The following DGKI variants were observed in gnomAD, a reference collection of about 807,000 sequenced individuals.
DGKI encodes the protein DAG kinase iota.
DGKI carries 55 observed loss-of-function variants against 147.5 expected under a neutral mutation model. The observed-to-expected ratio is 0.37, with a 90% CI of 0.30 to 0.47. DGKI has a LOEUF of 0.47. Ranked by LOEUF, DGKI falls within the 20% of genes least tolerant of loss-of-function variation. The pLI, the probability that DGKI is intolerant of heterozygous loss-of-function variation, is 1.00. For synonymous variants in DGKI, 469 were observed against 477.1 expected (o/e 0.98, Z 0.22); for missense variants, 1,007 against 1,323.8 (o/e 0.76, Z 3.71).
intron 21 of DGKI, among the ~76,000 whole-genome samples, chr7:137,504,244 AT>A (rs1434021231): frequency 6.6e-6 from 1 of 152,334 alleles, no homozygotes; most frequent in Non-Finnish European, 1.5e-5. Context: ...AGAGCTCAGC[AT>A]TTTTTTAAAA....
At chr7:137,405,781 G>A (rs536413555) in intron 30 of DGKI, among the ~76,000 whole-genome samples, 10 of 152,262 alleles carry the variant, frequency 6.6e-5, no homozygotes, top group African/African-American at 1.4e-4. Context: ...AAAAAAAGAC[G>A]AGGTGTTGAG....
intron 19 of DGKI, among the ~76,000 whole-genome samples, chr7:137,565,462 A>G (rs1194916289): frequency 2.0e-5 from 3 of 152,178 alleles, no homozygotes; most frequent in African/African-American, 7.2e-5. Flanking sequence ...TGGTAAGTGT[A>G]AAACTTCAAC....
At position 137,687,768 on chromosome 7, in the gene DGKI, G is replaced by A. The variant is rs535958738; in HGVS notation, c.510+2126C>T. On this transcript the variant is annotated intron_variant, in intron 2 of 32. Transcript: ENST00000614521. Reference sequence around the variant, plus strand: ...ACATCAGATCTCTAAGCCCTCAGATGGACTGTCTCAAGGAAGGGCTTTCGG... The same window carrying A: ...ACATCAGATCTCTAAGCCCTCAGATAGACTGTCTCAAGGAAGGGCTTTCGG... 4.6e-5 allele frequency among the ~76,000 whole-genome samples: 7 copies of A among 152,240 alleles called. No homozygotes were observed. The South Asian group carries it at 1.5e-3, about 32-fold the overall frequency.
intron 26 of DGKI, among the ~76,000 whole-genome samples, chr7:137,465,450 C>G (rs529528122): frequency 2.0e-5 from 3 of 151,990 alleles, no homozygotes; most frequent in Non-Finnish European, 4.4e-5. Flanking sequence ...CACTATGAAG[C>G]GGTGGTAGAA....
chr7:137,759,821 C>A (rs533658042), intron 1 of DGKI, among the ~76,000 whole-genome samples: 1 of 152,172 alleles, frequency 6.6e-6, no homozygotes, highest in Non-Finnish European at 1.5e-5. Context: ...TCCTTTTCGT[C>A]CCTCCCTCCC....
intron 19 of DGKI, among the ~76,000 whole-genome samples, chr7:137,568,897 T>A (rs1251737624): frequency 6.6e-6 from 1 of 150,700 alleles, no homozygotes; most frequent in African/African-American, 2.4e-5. Context: ...ATAATAAAAA[T>A]TATACTAATT....
intron 28 of DGKI, among the ~76,000 whole-genome samples, chr7:137,425,719 T>A (rs1236761476): frequency 2.0e-5 from 3 of 152,184 alleles, no homozygotes; most frequent in Non-Finnish European, 4.4e-5. Context: ...CTGATGGAGC[T>A]GAAAGCCAAG....
At chr7:137,615,089 C>A (rs1820484072) in intron 8 of DGKI, among the ~76,000 whole-genome samples, 1 of 152,184 alleles carries the variant, frequency 6.6e-6, no homozygotes, top group South Asian at 2.1e-4. Context: ...TCTTAGGTAG[C>A]ACTGACCACT....
Position 137,821,687 on chromosome 7 carries a change from G to A in DGKI, c.401+24775C>T, listed in dbSNP as rs77079752. 7.8e-4 allele frequency among the ~76,000 whole-genome samples: 118 copies of A among 151,968 alleles called. 1 individual carries two copies. The East Asian group carries it at 0.022, about 28-fold the overall frequency. On this transcript the variant is annotated intron_variant, in intron 1 of 32. Transcript: ENST00000614521. ...AGAAAGAAAGAAAAGAAAGAAAACA[G>A]GAGATGACAATAAAAGAGACAGATG...
intron 12 of DGKI, among the ~76,000 whole-genome samples, chr7:137,590,570 A>G (rs1819571844): frequency 6.6e-6 from 1 of 152,234 alleles, no homozygotes; most frequent in Admixed American, 6.5e-5. Context: ...GTGCAGGAGG[A>G]ATGCTAATAC....
chr7:137,804,853 G>A (rs1307575110), intron 1 of DGKI, among the ~76,000 whole-genome samples: 1 of 152,178 alleles, frequency 6.6e-6, no homozygotes, highest in Non-Finnish European at 1.5e-5. Flanking sequence ...GGCTTACGGA[G>A]TTGAATGGAT....
intron 23 of DGKI, among the ~76,000 whole-genome samples, chr7:137,476,654 C>T (rs975643319): frequency 1.3e-5 from 2 of 152,138 alleles, no homozygotes; most frequent in African/African-American, 4.8e-5. Context: ...CATGTGCAGG[C>T]TTTTTTCGTT....
chr7:137,834,204 C>T (rs758619457), intron 1 of DGKI, among the ~76,000 whole-genome samples: 39 of 152,176 alleles, frequency 2.6e-4, no homozygotes, highest in Non-Finnish European at 5.4e-4. Context: ...TTCTGAGAGA[C>T]ACTTAGGATC....
At chr7:137,680,215 A>G (rs1167750973) in intron 2 of DGKI, among the ~76,000 whole-genome samples, 1 of 152,162 alleles carries the variant, frequency 6.6e-6, no homozygotes, top group Non-Finnish European at 1.5e-5. Context: ...CAAGTGAGGA[A>G]GAGGATTCTA....
intron 12 of DGKI, among the ~76,000 whole-genome samples, chr7:137,592,413 G>A (rs752680813): frequency 5.9e-5 from 9 of 152,184 alleles, no homozygotes; most frequent in African/African-American, 1.9e-4. Context: ...CAGGTCCTCC[G>A]CTTTGTCCCT....
intron 23 of DGKI, among the ~76,000 whole-genome samples, chr7:137,482,501 T>C (rs1179023179): frequency 6.6e-6 from 1 of 151,946 alleles, no homozygotes; most frequent in Non-Finnish European, 1.5e-5. Context: ...TGGGCCTGAA[T>C]TTTTTAATGA....
rs79304634 is a variant in DGKI at position 137,738,973 on chromosome 7, C to T, written c.402-48971G>A. On this transcript the variant is annotated intron_variant, in intron 1 of 32. Coordinates refer to ENST00000614521, the MANE Select transcript of DGKI (RefSeq NM_001321708.2). ...TGAGGGCAATTACTAGACATATGGA[C>T]ACCTCCTCTACCTAATGAAAAGCTG... 7.8e-3 allele frequency among the ~76,000 whole-genome samples: 1,183 copies of T among 152,230 alleles called. 11 individuals carry two copies. Among genetic ancestry groups the T allele is most frequent in the African/African-American group, 0.027 (1,126 of 41,536 alleles).
intron 1 of DGKI, among the ~76,000 whole-genome samples, chr7:137,844,598 A>G (rs1798655166): frequency 6.6e-6 from 1 of 152,210 alleles, no homozygotes; most frequent in South Asian, 2.1e-4. Flanking sequence ...CCTCTATGTA[A>G]GGATTGTAAA....
intron 30 of DGKI, among the ~76,000 whole-genome samples, chr7:137,405,010 C>A (rs1313093487): frequency 6.6e-6 from 1 of 152,010 alleles, no homozygotes; most frequent in Admixed American, 6.6e-5. Flanking sequence ...ATGAACGGTG[C>A]TTTTAAAGGC....
Sources: gnomAD v4.1 joint callset for allele counts (sites outside exome capture counted in the v4.1 genomes callset) on GRCh38, gnomAD v4.1.1 for gene constraint, MANE v1.5 for transcripts, NCBI Gene and HGNC (gene_info 2026-07-23, HGNC 2026-07-21) for gene names.